The following SMG6 variants were observed in gnomAD, a reference collection of about 807,000 sequenced individuals.
SMG6 encodes SMG6 nonsense mediated mRNA decay factor.
A neutral mutation model predicts 142.2 loss-of-function variants in SMG6; 66 were observed. That is an observed-to-expected ratio of 0.46 (90% CI 0.38 to 0.57). The LOEUF (loss-of-function observed/expected upper bound fraction) is 0.57, where lower values mean the gene tolerates loss of function less well. Among genes scored for constraint, SMG6 ranks in the 20% least tolerant of loss-of-function variants. The probability of loss-of-function intolerance (pLI) is 0.00; values close to 1 mark genes in which losing one functional copy is unlikely to be tolerated. For missense variants in SMG6, 1,793 were observed against 1,832.0 expected (o/e 0.98, Z 0.39); for synonymous variants, 779 against 702.4 (o/e 1.11, Z -1.72).
intron 18 of SMG6, among the ~76,000 whole-genome samples, chr17:2,064,028 C>T (rs1418171495): frequency 1.3e-5 from 2 of 151,982 alleles, no homozygotes; most frequent in South Asian, 4.1e-4. Flanking sequence ...CGTAACCAGC[C>T]CCTAGTAAAG....
At chr17:2,227,587 G>C (rs1435221332) in intron 10 of SMG6, among the ~76,000 whole-genome samples, 1 of 152,188 alleles carries the variant, frequency 6.6e-6, no homozygotes. Flanking sequence ...GTGGGATGGA[G>C]ATCAACTGGG....
At chr17:2,236,907 G>C (rs2073676599) in intron 9 of SMG6, 2 of 1,045,482 alleles carry the variant, frequency 1.9e-6, no homozygotes, top group East Asian at 5.1e-5. Context: ...TTATGCTTTG[G>C]TATGCTATTT....
chr17:2,253,119 T>TTTCATTTA (rs1555565843), intron 8 of SMG6, among the ~76,000 whole-genome samples: 2 of 130,652 alleles, frequency 1.5e-5, no homozygotes, highest in African/African-American at 6.1e-5. Flanking sequence ...AAATATTTTA[T>TTTCATTTA]TTTATTTATT....
At chr17:2,125,773 C>T (rs1366147750) in intron 13 of SMG6, among the ~76,000 whole-genome samples, 2 of 151,992 alleles carry the variant, frequency 1.3e-5, no homozygotes, top group Non-Finnish European at 2.9e-5. Context: ...GTCAACATGG[C>T]AAAACACCGT....
chr17:2,168,116 C>A (rs571100116), intron 13 of SMG6, among the ~76,000 whole-genome samples: 1 of 152,278 alleles, frequency 6.6e-6, no homozygotes, highest in East Asian at 1.9e-4. Flanking sequence ...GCTCCTCCCA[C>A]TTTGGCCTTC....
intron 9 of SMG6, among the ~76,000 whole-genome samples, chr17:2,242,356 C>CAAAAAAGA (rs2073823981): frequency 1.4e-5 from 1 of 73,512 alleles, no homozygotes; most frequent in African/African-American, 6.8e-5. Flanking sequence ...ACTGAAGATA[C>CAAAAAAGA]AAAAAAAAAA....
At chr17:2,108,646 T>A (rs1323776994) in intron 13 of SMG6, among the ~76,000 whole-genome samples, 2 of 151,604 alleles carry the variant, frequency 1.3e-5, no homozygotes, top group African/African-American at 2.4e-5. Flanking sequence ...ATAATAATAA[T>A]AAAAAAATTC....
Position 2,100,605 on chromosome 17 carries a change from T to G in SMG6, c.3358-14704A>C, listed in dbSNP as rs185610145. 1.3e-3 allele frequency among the ~76,000 whole-genome samples: 192 copies of G among 152,344 alleles called. 5 individuals are homozygous for G. In the East Asian group the frequency reaches 0.023, roughly 18 times the overall value. On this transcript the variant is annotated intron_variant, in intron 13 of 18. Coordinates refer to ENST00000263073, the MANE Select transcript of SMG6 (RefSeq NM_017575.5). ...ACATTTTATTCTATGAGACAGGGTT[T>G]TGCTCTCTCACCTAGGCTGGAGTGC...
At chr17:2,119,219 G>A (rs920527572) in intron 13 of SMG6, among the ~76,000 whole-genome samples, 6 of 151,902 alleles carry the variant, frequency 3.9e-5, no homozygotes, top group African/African-American at 7.2e-5. Context: ...CACCACGCCC[G>A]GCTAATTTTT....
In SMG6 at chr17:2,228,990, A is replaced by G. The variant is rs886376238; in HGVS notation, c.2869+7502T>C. ...AAAAGTAGCACAGTCTCTCCTAAGA[A>G]AAGCATGTGAGAGGCCTCTTTTCTA... is the stretch of plus-strand genomic sequence containing the variant. On this transcript the variant is annotated intron_variant, in intron 10 of 18. Transcript: ENST00000263073. 1.2e-4 allele frequency among the ~76,000 whole-genome samples: 18 copies of G among 152,292 alleles called. No individual in the cohort carries two copies. In the South Asian group the frequency reaches 2.7e-3, roughly 23 times the overall value.
chr17:2,189,837 C>T (rs926532378), intron 10 of SMG6, among the ~76,000 whole-genome samples: 1 of 147,094 alleles, frequency 6.8e-6, no homozygotes, highest in Admixed American at 6.6e-5. Flanking sequence ...GCCCAACAAA[C>T]GAATAGCATC....
intron 8 of SMG6, among the ~76,000 whole-genome samples, chr17:2,273,090 C>A (rs1281598121): frequency 6.6e-6 from 1 of 152,090 alleles, no homozygotes; most frequent in Non-Finnish European, 1.5e-5. Flanking sequence ...ATGTGTTTTA[C>A]AGGGAAAATG....
At chr17:2,249,582 C>T (rs1293224483) in intron 8 of SMG6, among the ~76,000 whole-genome samples, 1 of 152,156 alleles carries the variant, frequency 6.6e-6, no homozygotes, top group Non-Finnish European at 1.5e-5. Flanking sequence ...TTTTGGCTTC[C>T]CAAAGTGCTC....
chr17:2,157,112 T>C (rs1420730358), intron 13 of SMG6, among the ~76,000 whole-genome samples: 1 of 152,136 alleles, frequency 6.6e-6, no homozygotes, highest in African/African-American at 2.4e-5. Context: ...TGGGCTGAAG[T>C]ACCTTCTTCA....
chr17:2,273,442 C>T (rs1220892957), intron 8 of SMG6, among the ~76,000 whole-genome samples: 1 of 152,088 alleles, frequency 6.6e-6, no homozygotes, highest in African/African-American at 2.4e-5. Flanking sequence ...GGGTGGATCA[C>T]GAGGTCAGGA....
chr17:2,112,529 AAATAAAT>A (rs1567607220), intron 13 of SMG6, among the ~76,000 whole-genome samples: 10 of 5,854 alleles, frequency 1.7e-3, no homozygotes, highest in African/African-American at 0.014. Context: ...AATAAAAAAT[AAATAAAT>A]AAATAAATAA....
intron 8 of SMG6, among the ~76,000 whole-genome samples, chr17:2,258,248 T>C (rs2151328157): frequency 6.6e-6 from 1 of 151,892 alleles, no homozygotes. Context: ...GCTCTTTATT[T>C]CTCGCCTTTT....
In SMG6 at chr17:2,065,119, G is replaced by A. The variant is rs928514312; in HGVS notation, c.4083C>T (p.Leu1361=). The stretch of plus-strand genomic sequence containing the variant: ...CCTTAGCCTTGTCTTTGCAGTAGTG[G>A]AGGCAGCAGGACAGGATGAGATCAT... ...NNDDLILSCC[L]HYCKDKAKDF... The change falls in exon 18 of 19, where the codon CTC becomes CTT. Residue 1361 remains leucine (L), a synonymous_variant. Coordinates refer to ENST00000263073, the MANE Select transcript of SMG6 (RefSeq NM_017575.5). The A allele has an allele frequency of 1.9e-5, 30 of 1,613,810 alleles. No individual in the cohort carries two copies. Among genetic ancestry groups the A allele is most frequent in the Middle Eastern group, 1.7e-4 (1 of 6,048 alleles).
At chr17:2,186,630 A>G (rs1327487993) in intron 12 of SMG6, 33 bp downstream of exon 12, 1 of 1,612,040 alleles carries the variant, frequency 6.2e-7, no homozygotes. Context: ...GGCCCAAGCC[A>G]GTGGTGCTGA....
Sources: allele counts gnomAD v4.1 joint callset (sites outside exome capture counted in the v4.1 genomes callset), GRCh38; gene constraint gnomAD v4.1.1; transcripts MANE v1.5; gene names NCBI Gene and HGNC (gene_info 2026-07-23, HGNC 2026-07-21).